The following MYOZ1 variants were observed in gnomAD, a reference collection of about 807,000 sequenced individuals.
MYOZ1 encodes the protein myozenin 1.
A neutral mutation model predicts 28.7 loss-of-function variants in MYOZ1; 20 were observed. The ratio of observed to expected loss-of-function variants is 0.70; its 90% CI spans 0.49 to 1.01. The LOEUF (loss-of-function observed/expected upper bound fraction) is 1.01, where lower values mean the gene tolerates loss of function less well. MYOZ1 is among the 50% of genes least tolerant of loss of function. The probability of loss-of-function intolerance (pLI) is 0.00; values close to 1 mark genes in which losing one functional copy is unlikely to be tolerated. For missense variants in MYOZ1, 371 were observed against 372.4 expected (o/e 1.00, Z 0.03); for synonymous variants, 144 against 145.8 (o/e 0.99, Z 0.09).
At chr10:73,638,386 G>A (rs1322268266) in intron 2 of MYOZ1, among the ~76,000 whole-genome samples, 1 of 151,028 alleles carries the variant, frequency 6.6e-6, no homozygotes, top group Non-Finnish European at 1.5e-5. Context: ...AGGCTGGAGT[G>A]GAATGGCGCG....
chr10:73,633,813 CT>C (rs1554957756), intron 5 of MYOZ1, 86 bp downstream of exon 5: 1 of 1,422,642 alleles, frequency 7.0e-7, no homozygotes, highest in Non-Finnish European at 9.5e-7. Context: ...TAGCCTCCTT[CT>C]GAAACATTTG....
At chr10:73,637,010 C>CTTTTTTTTTTTTTTTTTTTTT (rs200349316) in intron 3 of MYOZ1, among the ~76,000 whole-genome samples, 1 of 137,522 alleles carries the variant, frequency 7.3e-6, no homozygotes, top group African/African-American at 2.9e-5. Flanking sequence ...TTTCTTTTTT[C>CTTTTTTTTTTTTTTTTTTTTT]TTTCTTTTTT....
At chr10:73,640,457 A>T (rs1354686879) in intron 1 of MYOZ1, among the ~76,000 whole-genome samples, 1 of 152,164 alleles carries the variant, frequency 6.6e-6, no homozygotes, top group African/African-American at 2.4e-5. Context: ...ATTTTCAAAG[A>T]AGCATGTATT....
intron 3 of MYOZ1, among the ~76,000 whole-genome samples, chr10:73,635,806 T>C (rs2081664155): frequency 6.6e-6 from 1 of 152,162 alleles, no homozygotes; most frequent in Admixed American, 6.6e-5. Flanking sequence ...TCTCTCCTTC[T>C]TTCTCTTCCT....
intron 2 of MYOZ1, 87 bp from the exon 3 acceptor site, chr10:73,638,009 G>A (rs1368466527): frequency 2.6e-6 from 3 of 1,171,146 alleles, no homozygotes; most frequent in Admixed American, 2.2e-5. Context: ...CCACAACTAA[G>A]TGTGTATGTG....
intron 3 of MYOZ1, 150 bp from the exon 4 acceptor site, chr10:73,634,883 G>T: frequency 1.1e-6 from 1 of 877,834 alleles, no homozygotes; most frequent in Non-Finnish European, 1.7e-6. Context: ...GGTAGTACAT[G>T]GGCTGACTAA....
Position 73,632,094 on chromosome 10 carries a change from C to A in MYOZ1, c.736G>T (p.Asp246Tyr). Reference protein sequence around the residue: ...KRMTFQMPKFDLGPLLSEPLV... With the variant: ...KRMTFQMPKFYLGPLLSEPLV... ...GGTTCACTCAGCAAGGGCCCCAGGTCAAACTTGGGCATCTGGAAGGTCATG... is the reference window on the plus strand; with the variant it reads ...GGTTCACTCAGCAAGGGCCCCAGGTAAAACTTGGGCATCTGGAAGGTCATG... Residue 246 changes from aspartate to tyrosine, a missense_variant, in exon 6 of 6, where the codon GAC (aspartate) becomes TAC (tyrosine). Physicochemically the swap from Asp to Tyr is radical, Grantham distance 160. Coordinates refer to ENST00000359322, the MANE Select transcript of MYOZ1 (RefSeq NM_021245.4). 2 of 1,614,154 alleles carry A rather than the reference C, an allele frequency of 1.2e-6. No individual in the cohort carries two copies. The highest frequency in any genetic ancestry group is 1.1e-5 in the South Asian group (1 of 91,072).
At chr10:73,639,807 C>T in intron 2 of MYOZ1, 138 bp downstream of exon 2, 1 of 747,718 alleles carries the variant, frequency 1.3e-6, no homozygotes, top group Non-Finnish European at 2.2e-6. Flanking sequence ...TTAATCTTCC[C>T]TCTCCCACTC....
intron 5 of MYOZ1, among the ~76,000 whole-genome samples, chr10:73,633,526 C>T (rs139344387): frequency 1.7e-4 from 26 of 152,000 alleles, no homozygotes; most frequent in South Asian, 2.1e-4. Flanking sequence ...CCCAGGAGTT[C>T]GAGACCTGCC....
At chr10:73,640,556 C>T (rs2081697721) in intron 1 of MYOZ1, among the ~76,000 whole-genome samples, 1 of 152,184 alleles carries the variant, frequency 6.6e-6, no homozygotes, top group South Asian at 2.1e-4. Context: ...CCCCTGTTGT[C>T]TACCAACCTG....
At chr10:73,638,638 T>TTTTATTTATTTA (rs71482554) in intron 2 of MYOZ1, among the ~76,000 whole-genome samples, 74 of 124,142 alleles carry the variant, frequency 6.0e-4, no homozygotes, top group African/African-American at 1.5e-3. Flanking sequence ...CCAGCCTACA[T>TTTTATTTATTTA]TTTATTTATT....
chr10:73,633,121 AC>A (rs890494755), intron 5 of MYOZ1, among the ~76,000 whole-genome samples: 50 of 152,068 alleles, frequency 3.3e-4, no homozygotes, highest in African/African-American at 1.2e-3. Context: ...ACATGGTGAA[AC>A]CCCATCTCTA....
intron 3 of MYOZ1, among the ~76,000 whole-genome samples, chr10:73,637,334 AT>A (rs60567249): frequency 1.3e-3 from 192 of 152,128 alleles, no homozygotes; most frequent in African/African-American, 4.3e-3. Context: ...TCTTTCTAAA[AT>A]TTTTTTAAAT....
In MYOZ1 at chr10:73,634,021, T is replaced by C; in HGVS notation, c.547A>G (p.Thr183Ala). ...GEGKHITVFK[T>A]YISPWERAMG... The stretch of plus-strand genomic sequence containing the variant: ...GCTCGCTCCCATGGGGAAATATAGG[T>C]CTTGAACACAGTGATATGTTTTCCT... Residue 183 changes from threonine (T) to alanine (A), a missense_variant, in exon 5 of 6, where the codon ACC (threonine) becomes GCC (alanine). Physicochemically the swap from Thr to Ala is moderately conservative, Grantham distance 58. Coordinates refer to ENST00000359322, the MANE Select transcript of MYOZ1 (RefSeq NM_021245.4). 1 of 1,613,970 alleles carries C rather than the reference T, an allele frequency of 6.2e-7. No homozygotes were observed. The highest frequency in any genetic ancestry group is 8.5e-7 in the Non-Finnish European group (1 of 1,179,966).
chr10:73,638,924 C>T (rs564753949), intron 2 of MYOZ1, among the ~76,000 whole-genome samples: 15 of 149,548 alleles, frequency 1.0e-4, no homozygotes, highest in African/African-American at 3.2e-4. Flanking sequence ...CCTCAGCCTC[C>T]CAAAGTGCTG....
In MYOZ1 at chr10:73,634,473, A is replaced by C; in HGVS notation, c.502+11T>G. On this transcript the variant is annotated intron_variant, in intron 4 of 5. Transcript: ENST00000359322. Reference sequence around the variant, plus strand: ...GGACCAAACACATTACTCTTGGGTGAGTGTACTTGCCTGATCCTGTCTCAC... The same window carrying C: ...GGACCAAACACATTACTCTTGGGTGCGTGTACTTGCCTGATCCTGTCTCAC... The C allele has an allele frequency of 6.2e-7, 1 of 1,613,674 alleles. No homozygotes were observed. The highest frequency in any genetic ancestry group is 8.5e-7 in the Non-Finnish European group (1 of 1,179,832).
chr10:73,632,130 C>A lies in MYOZ1; in HGVS notation c.700G>T (p.Ala234Ser), dbSNP rs2081638889. Reference protein sequence around the residue: ...TAMPYGGYEKASKRMTFQMPK... With the variant: ...TAMPYGGYEKSSKRMTFQMPK... Reference sequence around the variant, plus strand: ...ATCTGGAAGGTCATGCGTTTGGAGGCCTTCTCATATCCACCATAGGGCATT... The same window carrying A: ...ATCTGGAAGGTCATGCGTTTGGAGGACTTCTCATATCCACCATAGGGCATT... The change falls in exon 6 of 6, where the codon GCC becomes TCC. Residue 234 changes from alanine to serine, a missense_variant. Physicochemically the swap from Ala to Ser is moderately conservative, Grantham distance 99 (BLOSUM62 1). Transcript: ENST00000359322. 7.4e-6 allele frequency: 12 copies of A among 1,614,014 alleles called. No homozygotes were observed. Among genetic ancestry groups the A allele is most frequent in the Non-Finnish European group, 1.0e-5 (12 of 1,180,026 alleles).
intron 3 of MYOZ1, 41 bp from the exon 4 acceptor site, chr10:73,634,774 A>G (rs750639897): frequency 1.9e-6 from 3 of 1,593,202 alleles, no homozygotes; most frequent in Non-Finnish European, 1.7e-6. Flanking sequence ...AGCAATGGGT[A>G]TGGAAAATAT....
chr10:73,633,836 A>C lies in MYOZ1; in HGVS notation c.668+64T>G, dbSNP rs573062641. ...TTCTGAAACATTTGAATTAGTCTCC[A>C]TCCTAACTAAAGACACAGTGCCTCA... On this transcript the variant is annotated intron_variant, in intron 5 of 5. Coordinates refer to ENST00000359322, the MANE Select transcript of MYOZ1 (RefSeq NM_021245.4). The C allele has an allele frequency of 5.3e-6, 8 of 1,503,254 alleles. No individual in the cohort carries two copies. The African/African-American group carries it at 5.6e-5, about 11-fold the overall frequency. 93.1% of individuals were successfully genotyped at this position (1,503,254 alleles called of 1,614,324 possible).
Sources: allele counts gnomAD v4.1 joint callset (sites outside exome capture counted in the v4.1 genomes callset), GRCh38; gene constraint gnomAD v4.1.1; transcripts MANE v1.5; gene names NCBI Gene and HGNC (gene_info 2026-07-23, HGNC 2026-07-21).